MGA: variants seen among roughly 807,000 people sequenced by gnomAD.
MGA encodes MAX gene-associated protein.
Under a neutral mutation model 261.1 loss-of-function variants are expected in MGA, and 40 were observed. That is an observed-to-expected ratio of 0.15 (90% CI 0.12 to 0.20). MGA has a LOEUF of 0.20. Among genes scored for constraint, MGA ranks in the 10% least tolerant of loss-of-function variants. MGA has a pLI of 1.00. For synonymous variants in MGA, 1,302 were observed against 1,290.6 expected, an observed-to-expected ratio of 1.01 and a Z score of -0.19; for missense variants, 3,397 against 3,630.5, an observed-to-expected ratio of 0.94 and a Z score of 1.65.
At chr15:41,655,366 C>A (rs370988674) in intron 1 of MGA, among the ~76,000 whole-genome samples, 6 of 151,458 alleles carry the variant, frequency 4.0e-5, no homozygotes, top group East Asian at 3.9e-4. Context: ...TTTAGTGGAG[C>A]CTTGCTGTGT....
intron 1 of MGA, among the ~76,000 whole-genome samples, chr15:41,638,761 G>T (rs1195223380): frequency 6.7e-6 from 1 of 148,858 alleles, no homozygotes; most frequent in Middle Eastern, 3.2e-3. Context: ...TGTGATCTTG[G>T]CTCACTGCAA....
At chr15:41,691,704 T>G (rs778618082) in intron 2 of MGA, 1 of 441,654 alleles carries the variant, frequency 2.3e-6, no homozygotes, top group Non-Finnish European at 4.9e-6. Context: ...GAACATTAGT[T>G]TTTCTTTCAA....
chr15:41,738,989 A>G (rs1595922018), intron 13 of MGA, among the ~76,000 whole-genome samples: 2 of 152,112 alleles, frequency 1.3e-5, no homozygotes, highest in Non-Finnish European at 2.9e-5. Flanking sequence ...AGTAGATTCT[A>G]CCTCACTCCA....
chr15:41,682,123 G>T (rs912152537), intron 2 of MGA, among the ~76,000 whole-genome samples: 1 of 151,936 alleles, frequency 6.6e-6, no homozygotes, highest in Non-Finnish European at 1.5e-5. Context: ...CTCCATGTTG[G>T]TTAGGCTGGT....
At chr15:41,678,221 G>A (rs1379178571) in intron 2 of MGA, among the ~76,000 whole-genome samples, 1 of 151,436 alleles carries the variant, frequency 6.6e-6, no homozygotes, top group East Asian at 2.0e-4. Flanking sequence ...CTCCTGAGTA[G>A]CTGGGATTAC....
intron 5 of MGA, among the ~76,000 whole-genome samples, chr15:41,703,764 T>C (rs1224979776): frequency 6.6e-6 from 1 of 152,086 alleles, no homozygotes; most frequent in Non-Finnish European, 1.5e-5. Flanking sequence ...AAAAATTCAC[T>C]TATCAGTGTG....
At chr15:41,651,079 G>C (rs2057032687) in intron 1 of MGA, among the ~76,000 whole-genome samples, 1 of 152,130 alleles carries the variant, frequency 6.6e-6, no homozygotes, top group South Asian at 2.1e-4. Context: ...GTGAGATAGA[G>C]GGGGACACCG....
In MGA at chr15:41,748,769, T is replaced by C; in HGVS notation, c.5345T>C (p.Leu1782Pro). ...CTTAGACCTGTCTCAAACACACAAC[T>C]TCAGGGACATCGGATGGTCTTGCAG... Residue 1782 changes from leucine to proline, a missense_variant, in exon 16 of 24, where the codon CTT (leucine) becomes CCT (proline). Leu to Pro is a moderately conservative substitution (Grantham distance 98). Transcript: ENST00000219905. 6.2e-7 allele frequency: 1 copy of C among 1,613,950 alleles called. No homozygotes were observed. Among genetic ancestry groups the C allele is most frequent in the Non-Finnish European group, 8.5e-7 (1 of 1,179,890 alleles).
intron 1 of MGA, among the ~76,000 whole-genome samples, chr15:41,643,936 A>T (rs879668410): frequency 0.033 from 5,017 of 151,952 alleles, 140 homozygotes; most frequent in South Asian, 0.07. Flanking sequence ...TTTTCCATAA[A>T]AGTTTTATAG....
In MGA at chr15:41,622,402, A is replaced by C. The variant is rs576464815; in HGVS notation, c.-68+1104A>C. On this transcript the variant is annotated intron_variant, in intron 1 of 8. Transcript: ENST00000566718. ...ATAATGAGACAACCGCCACCCCGCC[A>C]AAAAAAACCCCACAGCCACTCCCCT... Among the ~76,000 whole-genome samples the C allele has an allele frequency of 9.3e-3, 1,415 of 151,804 alleles. 21 individuals carry two copies. The highest frequency in any genetic ancestry group is 0.011 in the Non-Finnish European group (720 of 67,936).
At position 41,748,632 on chromosome 15, in the gene MGA, T is replaced by C; in HGVS notation, c.5213-5T>C. 1 of 1,605,574 alleles carries C rather than the reference T, an allele frequency of 6.2e-7. No individual in the cohort carries two copies. The highest frequency in any genetic ancestry group is 8.5e-7 in the Non-Finnish European group (1 of 1,174,344). Reference sequence around the variant, plus strand: ...GGTACCATGTTTCCATTTCCTGTTTTTCAGAAAATGCTGCTCAAATTCCAG... The same window carrying C: ...GGTACCATGTTTCCATTTCCTGTTTCTCAGAAAATGCTGCTCAAATTCCAG... On this transcript the variant is annotated splice_region_variant and splice_polypyrimidine_tract_variant and intron_variant, in intron 15 of 23. Transcript: ENST00000219905.
chr15:41,699,560 GGT>G (rs2059728077), intron 5 of MGA, among the ~76,000 whole-genome samples: 2 of 152,172 alleles, frequency 1.3e-5, no homozygotes, highest in Non-Finnish European at 2.9e-5. Context: ...GGAGTGCAGT[GGT>G]GCAATCTCTG....
At position 41,667,272 on chromosome 15, in the gene MGA, A is replaced by G. The variant is rs549505439; in HGVS notation, c.-67-1556A>G. Among the ~76,000 whole-genome samples, 6 of 151,580 alleles carry G rather than the reference A, an allele frequency of 4.0e-5. No individual in the cohort carries two copies. The East Asian group carries it at 1.2e-3, about 29-fold the overall frequency. ...ATTTTTATTTTTTTTTTTGAGTCAGAGTCTCGCTCTGTCACCCAGGCTGAA... is the reference window on the plus strand; with the variant it reads ...ATTTTTATTTTTTTTTTTGAGTCAGGGTCTCGCTCTGTCACCCAGGCTGAA... On this transcript the variant is annotated intron_variant, in intron 1 of 23. Coordinates refer to ENST00000219905, the MANE Select transcript of MGA (RefSeq NM_001164273.2).
At chr15:41,641,914 G>A (rs2056829753) in intron 1 of MGA, among the ~76,000 whole-genome samples, 1 of 151,880 alleles carries the variant, frequency 6.6e-6, no homozygotes, top group Admixed American at 6.6e-5. Flanking sequence ...TCCTGACTCA[G>A]CCTCCCAAGT....
At chr15:41,725,954 C>G (rs1422505326) in intron 9 of MGA, among the ~76,000 whole-genome samples, 1 of 151,890 alleles carries the variant, frequency 6.6e-6, no homozygotes, top group African/African-American at 2.4e-5. Context: ...TTCCTTTGTG[C>G]ACATTTTTTG....
Position 41,694,272 on chromosome 15 carries a change from C to T in MGA, c.1065-1803C>T, listed in dbSNP as rs553677210. Among the ~76,000 whole-genome samples the T allele has an allele frequency of 4.6e-5, 7 of 151,904 alleles. No homozygotes were observed. The South Asian group carries it at 6.3e-4, about 14-fold the overall frequency. ...CTCTACTAAAAATACAAAAATTAGCCGGGCGTGTTGGTGCATGCCTATAAT... is the reference window on the plus strand; with the variant it reads ...CTCTACTAAAAATACAAAAATTAGCTGGGCGTGTTGGTGCATGCCTATAAT... On this transcript the variant is annotated intron_variant, in intron 2 of 23. Coordinates refer to ENST00000219905, the MANE Select transcript of MGA (RefSeq NM_001164273.2).
intron 1 of MGA, among the ~76,000 whole-genome samples, chr15:41,667,158 C>T (rs755131819): frequency 1.2e-4 from 19 of 152,006 alleles, no homozygotes; most frequent in African/African-American, 3.4e-4. Flanking sequence ...TAGCCATTTG[C>T]GTTTATTATC....
rs568113584 is a variant in MGA, at chr15:41,736,982, C to G, written c.4434+284C>G. On this transcript the variant is annotated intron_variant, in intron 13 of 23. Coordinates refer to ENST00000219905, the MANE Select transcript of MGA (RefSeq NM_001164273.2). ...TCATAAACTTTATTGCCTGCAGGCT[C>G]TAGTGATACTTTGACAATAAAGCAA... Among the ~76,000 whole-genome samples the G allele has an allele frequency of 6.8e-4, 104 of 152,194 alleles. 1 individual carries two copies. In the South Asian group the frequency reaches 0.016, roughly 23 times the overall value.
chr15:41,646,980 C>T (rs2056946599), intron 1 of MGA, among the ~76,000 whole-genome samples: 1 of 152,156 alleles, frequency 6.6e-6, no homozygotes, highest in Non-Finnish European at 1.5e-5. Context: ...TGCCTGTCTT[C>T]CATGTACAAC....
Sources: gnomAD v4.1 joint callset for allele counts (sites outside exome capture counted in the v4.1 genomes callset) on GRCh38, gnomAD v4.1.1 for gene constraint, MANE v1.5 for transcripts, NCBI Gene and HGNC (gene_info 2026-07-23, HGNC 2026-07-21) for gene names.